The following TTYH2 variants were observed in gnomAD, a reference collection of about 807,000 sequenced individuals.
TTYH2 encodes tweety family member 2.
A neutral mutation model predicts 68.3 loss-of-function variants in TTYH2; 49 were observed. That is an observed-to-expected ratio of 0.72 (90% CI 0.57 to 0.91). The LOEUF is 0.91. Ranked by LOEUF, TTYH2 falls within the 40% of genes least tolerant of loss-of-function variation. The pLI, the probability that TTYH2 is intolerant of heterozygous loss-of-function variation, is 0.00. For missense variants in TTYH2, 631 were observed against 700.4 expected (o/e 0.90, Z 1.12); for synonymous variants, 272 against 300.8 (o/e 0.90, Z 0.99).
chr17:74,258,541 A>G (rs2050715603), intron 13 of TTYH2, among the ~76,000 whole-genome samples: 1 of 152,126 alleles, frequency 6.6e-6, no homozygotes, highest in Non-Finnish European at 1.5e-5. Context: ...TGCTGGGATT[A>G]CAGGTGTGAG....
chr17:74,243,935 G>T, intron 5 of TTYH2, 42 bp from the exon 6 acceptor site: 1 of 1,598,628 alleles, frequency 6.3e-7, no homozygotes. Context: ...CTGAGAGGAA[G>T]GGGACCCCGC....
At chr17:74,227,951 C>T (rs1194943015) in intron 2 of TTYH2, among the ~76,000 whole-genome samples, 12 of 147,304 alleles carry the variant, frequency 8.1e-5, no homozygotes, top group East Asian at 7.8e-4. Flanking sequence ...GAGTTGAGGG[C>T]GCCCTGGAAG....
chr17:74,254,414 C>T (rs1167907330), intron 13 of TTYH2, among the ~76,000 whole-genome samples: 3 of 152,172 alleles, frequency 2.0e-5, no homozygotes, highest in Non-Finnish European at 2.9e-5. Flanking sequence ...GTGATCCACC[C>T]GCCTCGGCCT....
chr17:74,219,214 T>TAAAAA (rs1330027032), intron 1 of TTYH2, among the ~76,000 whole-genome samples: 4 of 126,174 alleles, frequency 3.2e-5, no homozygotes, highest in African/African-American at 1.2e-4. Flanking sequence ...AGACTCCGTC[T>TAAAAA]CAAAAAAAAA....
At chr17:74,224,595 T>G (rs1486327680) in intron 2 of TTYH2, among the ~76,000 whole-genome samples, 1 of 152,202 alleles carries the variant, frequency 6.6e-6, no homozygotes, top group African/African-American at 2.4e-5. Flanking sequence ...TGGGCGTGAC[T>G]TGTACCAGGC....
chr17:74,227,983 C>CTTTTTTTTTTTTTTTTTTTTTTTTTTTTT (rs35080135), intron 2 of TTYH2, among the ~76,000 whole-genome samples: 1 of 112,558 alleles, frequency 8.9e-6, no homozygotes, highest in African/African-American at 4.6e-5. Flanking sequence ...TCTTTTCTTT[C>CTTTTTTTTTTTTTTTTTTTTTTTTTTTTT]TTTTTTTTTT....
intron 1 of TTYH2, among the ~76,000 whole-genome samples, chr17:74,219,366 C>A (rs140696181): frequency 0.03 from 3,933 of 130,162 alleles, 115 homozygotes; most frequent in African/African-American, 0.11. Context: ...TCCAGCCTGG[C>A]GACAGAGCAA....
chr17:74,213,838 C>T lies in TTYH2; in HGVS notation c.129+122C>T. 1 of 1,271,168 alleles carries T rather than the reference C, an allele frequency of 7.9e-7. No individual in the cohort carries two copies. Among genetic ancestry groups the T allele is most frequent in the African/African-American group, 1.5e-5 (1 of 65,812 alleles). 78.7% of individuals were successfully genotyped at this position (1,271,168 alleles called of 1,614,324 possible). ...CAGACCCCTTCTCTCCCCGCGCAGCCCTTTCCCGTCTCCCCTCTCCCCTTT... is the reference window on the plus strand; with the variant it reads ...CAGACCCCTTCTCTCCCCGCGCAGCTCTTTCCCGTCTCCCCTCTCCCCTTT... On this transcript the variant is annotated intron_variant, in intron 1 of 13. Transcript: ENST00000269346. This position sits in a 1 kb window ranked among gnomAD's most constrained non-coding sequence, Gnocchi z 6.1.
chr17:74,244,098 A>G, intron 6 of TTYH2, 49 bp downstream of exon 6: 5 of 1,571,424 alleles, frequency 3.2e-6, no homozygotes, highest in Non-Finnish European at 3.5e-6. Flanking sequence ...GTCTGCCAGG[A>G]CACTCTGGTG....
At position 74,217,353 on chromosome 17, in the gene TTYH2, C is replaced by A. The variant is rs1223726265; in HGVS notation, c.129+3637C>A. On this transcript the variant is annotated intron_variant, in intron 1 of 13. Coordinates refer to ENST00000269346, the MANE Select transcript of TTYH2 (RefSeq NM_032646.6). The surrounding 1 kb of genome is among the most constrained non-coding windows in gnomAD (Gnocchi z 4.0). ...TTTTTTGTATTTAGGCATGTATTTC[C>A]ACGTGTTCTCTCATTGGTTGGTTCC... Among the ~76,000 whole-genome samples the A allele has an allele frequency of 6.6e-6, 1 of 152,140 alleles. No homozygotes were observed. Among genetic ancestry groups the A allele is most frequent in the Admixed American group, 6.5e-5 (1 of 15,278 alleles).
chr17:74,222,344 C>T lies in TTYH2; in HGVS notation c.130-141C>T, dbSNP rs1034090835. The T allele has an allele frequency of 4.9e-6, 5 of 1,022,932 alleles. No individual in the cohort carries two copies. The East Asian group carries it at 1.1e-4, about 22-fold the overall frequency. The allele number at this position is 1,022,932 out of a possible 1,614,324, so 63.4% of individuals were successfully genotyped here. A position where few individuals can be genotyped will look rare whatever the true frequency, so the allele number is the denominator to read the frequency against. On this transcript the variant is annotated intron_variant, in intron 1 of 13. Transcript: ENST00000269346. This position sits in a 1 kb window ranked among gnomAD's most constrained non-coding sequence, Gnocchi z 5.2. Reference sequence around the variant, plus strand: ...GGGCCCTCTGTTTACAGAGTAGGAGCTTGAACCCTAGGTGGAGCTTGGAAG... The same window carrying T: ...GGGCCCTCTGTTTACAGAGTAGGAGTTTGAACCCTAGGTGGAGCTTGGAAG...
chr17:74,236,274 G>T (rs1188487844), intron 3 of TTYH2, among the ~76,000 whole-genome samples: 1 of 152,186 alleles, frequency 6.6e-6, no homozygotes, highest in African/African-American at 2.4e-5. Flanking sequence ...AAGTCCCATT[G>T]TCCTGCCTTC....
intron 1 of TTYH2, among the ~76,000 whole-genome samples, chr17:74,219,685 C>G (rs1201742977): frequency 6.6e-6 from 1 of 152,222 alleles, no homozygotes; most frequent in Non-Finnish European, 1.5e-5. Flanking sequence ...TGTTCCATGT[C>G]TGGCTTTCTC....
chr17:74,247,598 G>A (rs1237513729), intron 6 of TTYH2, among the ~76,000 whole-genome samples: 3 of 152,138 alleles, frequency 2.0e-5, no homozygotes, highest in African/African-American at 4.8e-5. Flanking sequence ...TCCTTTCTTG[G>A]TTCCCAAACT....
chr17:74,237,404 G>A lies in TTYH2; in HGVS notation c.525G>A (p.Gln175=). The A allele has an allele frequency of 1.9e-6, 3 of 1,614,186 alleles. No individual in the cohort carries two copies. Among genetic ancestry groups the A allele is most frequent in the Non-Finnish European group, 2.5e-6 (3 of 1,180,032 alleles). ...ACCTGCAGACCCTGAAGTTCATACAGCAGATGGCGGGCAGCGTTGTTGTTC... is the reference window on the plus strand; with the variant it reads ...ACCTGCAGACCCTGAAGTTCATACAACAGATGGCGGGCAGCGTTGTTGTTC... ...GDYLQTLKFI[Q]QMAGSVVVQL... is the part of the protein sequence containing the mutation. Residue 175 remains glutamine, a synonymous_variant, in exon 4 of 14, where the codon CAG becomes CAA. Coordinates refer to ENST00000269346, the MANE Select transcript of TTYH2 (RefSeq NM_032646.6).
Position 74,232,762 on chromosome 17 carries a change from C to T in TTYH2, c.414+1763C>T, listed in dbSNP as rs554806915. 1.3e-5 allele frequency among the ~76,000 whole-genome samples: 2 copies of T among 152,296 alleles called. No individual in the cohort carries two copies. The highest frequency in any genetic ancestry group is 3.9e-4 in the East Asian group (2 of 5,162). Reference sequence around the variant, plus strand: ...GCCCTGCCCAGGAAGGCACCAGGGCCATGACCTTCACGGGTTTAGAGAAAC... The same window carrying T: ...GCCCTGCCCAGGAAGGCACCAGGGCTATGACCTTCACGGGTTTAGAGAAAC... On this transcript the variant is annotated intron_variant, in intron 3 of 13. Transcript: ENST00000269346. This position sits in a 1 kb window ranked among gnomAD's most constrained non-coding sequence, Gnocchi z 5.1.
chr17:74,228,036 T>G (rs1225058777), intron 2 of TTYH2, among the ~76,000 whole-genome samples: 2 of 140,300 alleles, frequency 1.4e-5, no homozygotes, highest in Non-Finnish European at 3.0e-5. Context: ...CAGGCTGGAG[T>G]GAAATGGTGC....
chr17:74,234,092 G>C (rs145213416), intron 3 of TTYH2, among the ~76,000 whole-genome samples: 128 of 152,298 alleles, frequency 8.4e-4, no homozygotes, highest in African/African-American at 2.4e-3. Context: ...ACTTGAGCTT[G>C]CATCAGAATC....
intron 2 of TTYH2, among the ~76,000 whole-genome samples, chr17:74,230,097 C>T (rs943558929): frequency 7.2e-5 from 11 of 152,072 alleles, no homozygotes; most frequent in African/African-American, 2.7e-4. Context: ...CGCCATTGCA[C>T]TCCAGCCTGG....
Sources: gnomAD v4.1 joint callset for allele counts (sites outside exome capture counted in the v4.1 genomes callset) on GRCh38, gnomAD v4.1.1 for gene constraint, Gnocchi (gnomAD v3.1) non-coding constraint, MANE v1.5 for transcripts, NCBI Gene and HGNC (gene_info 2026-07-23, HGNC 2026-07-21) for gene names.